The following PTAFR variants were observed in gnomAD, a reference collection of about 807,000 sequenced individuals.
PTAFR encodes the protein platelet-activating factor receptor.
A neutral mutation model predicts 14.7 loss-of-function variants in PTAFR; 8 were observed. That is an observed-to-expected ratio of 0.54 (90% confidence interval 0.32 to 0.98). The LOEUF (loss-of-function observed/expected upper bound fraction) is 0.98, where lower values mean the gene tolerates loss of function less well. Among genes scored for constraint, PTAFR ranks in the 50% least tolerant of loss-of-function variants. PTAFR has a pLI of 0.04. For synonymous variants in PTAFR, 156 were observed against 176.5 expected (o/e 0.88, Z 0.92); for missense variants, 337 against 451.2 (o/e 0.75, Z 2.29).
intron 1 of PTAFR, among the ~76,000 whole-genome samples, chr1:28,192,323 A>T (rs1431221196): frequency 6.6e-6 from 1 of 151,904 alleles, no homozygotes; most frequent in Non-Finnish European, 1.5e-5. Context: ...ACTTTGGGAG[A>T]CCGAGGCGGG....
intron 1 of PTAFR, among the ~76,000 whole-genome samples, chr1:28,185,821 C>T (rs1159831757): frequency 1.3e-5 from 2 of 152,126 alleles, no homozygotes; most frequent in Non-Finnish European, 1.5e-5. Flanking sequence ...CAAAACAGCA[C>T]CTAAACAAGA....
chr1:28,168,262 C>T lies in PTAFR; in HGVS notation c.-39+8330G>A, dbSNP rs185634616. ...CTGGGATTACAGGCGTGAGCCACCG[C>T]GCCCGGCAGAAAACAGGATCTTGAA... On this transcript the variant is annotated intron_variant, in intron 1 of 1. Transcript: ENST00000373857. 3.1e-4 allele frequency among the ~76,000 whole-genome samples: 47 copies of T among 152,092 alleles called. 1 individual carries two copies. The highest frequency in any genetic ancestry group is 1.0e-3 in the African/African-American group (42 of 41,512).
chr1:28,163,051 A>C (rs1184146854), intron 1 of PTAFR, among the ~76,000 whole-genome samples: 3 of 152,116 alleles, frequency 2.0e-5, no homozygotes, highest in Non-Finnish European at 4.4e-5. Context: ...CTCTTGCTGC[A>C]CTGAATTTCT....
intron 1 of PTAFR, among the ~76,000 whole-genome samples, chr1:28,170,752 G>A (rs1441089477): frequency 2.6e-5 from 4 of 151,750 alleles, no homozygotes; most frequent in Middle Eastern, 3.2e-3. Flanking sequence ...TGTAATCCCA[G>A]CACTTTGGGA....
chr1:28,180,446 T>C (rs1198177244), upstream of PTAFR, among the ~76,000 whole-genome samples: 1 of 152,032 alleles, frequency 6.6e-6, no homozygotes, highest in African/African-American at 2.4e-5. Flanking sequence ...AACCAGGAAA[T>C]AAATACTCAA....
chr1:28,160,650 C>T (rs186821205), intron 1 of PTAFR, among the ~76,000 whole-genome samples: 7 of 151,896 alleles, frequency 4.6e-5, no homozygotes, highest in African/African-American at 1.4e-4. Flanking sequence ...CCCAGGAACC[C>T]AACCTAGGAG....
At chr1:28,169,242 T>A (rs1173373686) in intron 1 of PTAFR, among the ~76,000 whole-genome samples, 1 of 151,226 alleles carries the variant, frequency 6.6e-6, no homozygotes, top group African/African-American at 2.4e-5. Flanking sequence ...ATAAAATAAA[T>A]TTTTCAAAAT....
upstream of PTAFR, among the ~76,000 whole-genome samples, chr1:28,181,078 C>T (rs1646558801): frequency 6.6e-6 from 1 of 152,082 alleles, no homozygotes. Flanking sequence ...AAACCCCTGA[C>T]CTGAAGCAAT....
At chr1:28,181,298 C>G (rs1646561058), upstream of PTAFR, among the ~76,000 whole-genome samples, 1 of 152,092 alleles carries the variant, frequency 6.6e-6, no homozygotes, top group Non-Finnish European at 1.5e-5. Context: ...ATTCACAACA[C>G]CACCTATAAA....
chr1:28,167,684 C>T (rs1646402006), intron 1 of PTAFR, among the ~76,000 whole-genome samples: 1 of 110,302 alleles, frequency 9.1e-6, no homozygotes. Context: ...CTTACTCTGT[C>T]GCCCAGGCTG....
intron 1 of PTAFR, among the ~76,000 whole-genome samples, chr1:28,168,765 T>C (rs902908940): frequency 6.6e-6 from 1 of 151,996 alleles, no homozygotes; most frequent in Non-Finnish European, 1.5e-5. Context: ...GCCTCCTGGG[T>C]TCAAGCGATT....
At chr1:28,171,213 C>T (rs537981620) in intron 1 of PTAFR, among the ~76,000 whole-genome samples, 4 of 150,486 alleles carry the variant, frequency 2.7e-5, no homozygotes, top group South Asian at 4.2e-4. Context: ...ATCCCAGCTA[C>T]ATGGGAGGCT....
chr1:28,150,680 G>A lies in PTAFR; in HGVS notation c.342C>T (p.Asn114=). 6.2e-7 allele frequency: 1 copy of A among 1,614,150 alleles called. No individual in the cohort carries two copies. The highest frequency in any genetic ancestry group is 8.5e-7 in the Non-Finnish European group (1 of 1,180,034). The stretch of plus-strand genomic sequence containing the variant: ...TGGGCCGAGTTACTGCCTGGAAGCG[G>A]TTATAAGTGATGACGCCCAGGAAGG... ...SVAFLGVITY[N]RFQAVTRPIK... is the part of the protein sequence containing the mutation. Residue 114 remains asparagine, a synonymous_variant, in exon 2 of 2, where the codon AAC becomes AAT. Coordinates refer to ENST00000373857, the MANE Select transcript of PTAFR (RefSeq NM_000952.5). The surrounding 1 kb of genome is among the most constrained non-coding windows in gnomAD (Gnocchi z 6.3).
intron 1 of PTAFR, among the ~76,000 whole-genome samples, chr1:28,160,237 A>T (rs765958486): frequency 6.5e-5 from 9 of 137,720 alleles, no homozygotes; most frequent in Non-Finnish European, 1.3e-4. Flanking sequence ...AAAAAGAATT[A>T]AAAAAAAAAA....
chr1:28,181,475 G>A (rs1412490094), upstream of PTAFR, among the ~76,000 whole-genome samples: 2 of 152,086 alleles, frequency 1.3e-5, no homozygotes, highest in South Asian at 4.1e-4. Context: ...AGCCGGGCGC[G>A]GTGGCTCACG....
intron 1 of PTAFR, among the ~76,000 whole-genome samples, chr1:28,153,686 G>C (rs968469917): frequency 6.6e-6 from 1 of 151,804 alleles, no homozygotes; most frequent in African/African-American, 2.4e-5. Flanking sequence ...TCAGGAGTTC[G>C]AGACCCACCT....
intron 1 of PTAFR, among the ~76,000 whole-genome samples, chr1:28,186,286 C>A (rs191522549): frequency 6.6e-6 from 1 of 150,852 alleles, no homozygotes; most frequent in African/African-American, 2.4e-5. Flanking sequence ...TGCCCGGCCC[C>A]AAAATGTGCA....
upstream of PTAFR, among the ~76,000 whole-genome samples, chr1:28,181,139 G>A (rs1012346095): frequency 6.6e-6 from 1 of 152,012 alleles, no homozygotes; most frequent in Admixed American, 6.6e-5. Flanking sequence ...TGAGCACCAC[G>A]CCCGGTCGTG....
intron 1 of PTAFR, among the ~76,000 whole-genome samples, chr1:28,184,788 C>T (rs1304779803): frequency 6.6e-6 from 1 of 152,020 alleles, no homozygotes; most frequent in African/African-American, 2.4e-5. Flanking sequence ...TACAGGCGTG[C>T]ACCACCACAC....
Sources: gnomAD v4.1 joint callset for allele counts (sites outside exome capture counted in the v4.1 genomes callset) on GRCh38, gnomAD v4.1.1 for gene constraint, Gnocchi (gnomAD v3.1) non-coding constraint, MANE v1.5 for transcripts, NCBI Gene and HGNC (gene_info 2026-07-23, HGNC 2026-07-21) for gene names.